Variants in ADGRL4 observed in about 807,000 individuals in gnomAD.
ADGRL4 encodes adhesion G protein-coupled receptor L4, also known as EGF, latrophilin and seven transmembrane domain containing 1.
Under a neutral mutation model 74.8 loss-of-function variants are expected in ADGRL4, and 90 were observed. The observed-to-expected ratio is 1.20, with a 90% CI of 1.02 to 1.43. The LOEUF (loss-of-function observed/expected upper bound fraction) is 1.43, where lower values mean the gene tolerates loss of function less well. Among genes scored for constraint, ADGRL4 ranks in the 40% most tolerant of loss-of-function variants. The probability of loss-of-function intolerance (pLI) is 0.00; values close to 1 mark genes in which losing one functional copy is unlikely to be tolerated. For missense variants in ADGRL4, 881 were observed against 814.3 expected, an observed-to-expected ratio of 1.08 and a Z score of -1.00; for synonymous variants, 311 against 279.2, an observed-to-expected ratio of 1.11 and a Z score of -1.14.
intron 2 of ADGRL4, among the ~76,000 whole-genome samples, chr1:79,001,025 T>A (rs556452144): frequency 6.6e-6 from 1 of 152,046 alleles, no homozygotes; most frequent in Admixed American, 6.6e-5. Context: ...TATATACTTG[T>A]AATTTTTGAA....
intron 14 of ADGRL4, 128 bp downstream of exon 14, chr1:78,891,396 T>C: frequency 8.1e-7 from 1 of 1,241,106 alleles, no homozygotes; most frequent in Non-Finnish European, 1.1e-6. Context: ...TATTTTCCTA[T>C]GAACAGCTAG....
At chr1:78,929,918 C>T (rs1318391587) in intron 7 of ADGRL4, among the ~76,000 whole-genome samples, 1 of 151,364 alleles carries the variant, frequency 6.6e-6, no homozygotes, top group Non-Finnish European at 1.5e-5. Flanking sequence ...AAACAGTACC[C>T]AAATTGTCTT....
At chr1:78,911,618 C>G (rs1570220879) in intron 12 of ADGRL4, among the ~76,000 whole-genome samples, 1 of 380 alleles carries the variant, frequency 2.6e-3, no homozygotes, top group Non-Finnish European at 7.8e-3. Context: ...GATCTAAACA[C>G]ACACACACAC....
Position 78,931,102 on chromosome 1 carries a change from C to T in ADGRL4, c.878-4011G>A, listed in dbSNP as rs562681713. 1.3e-4 allele frequency among the ~76,000 whole-genome samples: 20 copies of T among 151,264 alleles called. 2 individuals are homozygous for T. The highest frequency in any genetic ancestry group is 4.2e-4 in the South Asian group (2 of 4,814). On this transcript the variant is annotated intron_variant, in intron 7 of 14. Coordinates refer to ENST00000370742, the MANE Select transcript of ADGRL4 (RefSeq NM_022159.4). Reference sequence around the variant, plus strand: ...CAGAGAGCACCACTAAGATACTCCACGAGAAGATCAACCCCAAGACACATA... The same window carrying T: ...CAGAGAGCACCACTAAGATACTCCATGAGAAGATCAACCCCAAGACACATA...
chr1:79,006,547 T>G (rs549851129), intron 1 of ADGRL4, 86 bp downstream of exon 1: 40 of 1,462,156 alleles, frequency 2.7e-5, no homozygotes, highest in Non-Finnish European at 3.7e-5. Flanking sequence ...ACTTGCCATG[T>G]GAGCTCCACC....
At chr1:78,951,917 T>C (rs1302677045) in intron 2 of ADGRL4, among the ~76,000 whole-genome samples, 1 of 152,148 alleles carries the variant, frequency 6.6e-6, no homozygotes, top group Non-Finnish European at 1.5e-5. Context: ...TTGAGTCCCC[T>C]AGTAATGAAA....
At chr1:78,994,768 C>G (rs778875942) in intron 2 of ADGRL4, among the ~76,000 whole-genome samples, 1 of 152,156 alleles carries the variant, frequency 6.6e-6, no homozygotes, top group African/African-American at 2.4e-5. Context: ...AATTTGTCCT[C>G]TGAGCACACA....
intron 2 of ADGRL4, among the ~76,000 whole-genome samples, chr1:78,982,382 G>T: frequency 6.6e-6 from 1 of 151,834 alleles, no homozygotes; most frequent in South Asian, 2.1e-4. Context: ...GTAAGTACAA[G>T]AAACCCATTT....
intron 6 of ADGRL4, 107 bp downstream of exon 6, chr1:78,937,700 T>C: frequency 1.1e-6 from 1 of 935,838 alleles, no homozygotes; most frequent in Non-Finnish European, 1.6e-6. Flanking sequence ...CTACTTTCAA[T>C]GTAATCAATA....
chr1:78,934,264 C>G (rs1255852884), intron 7 of ADGRL4, among the ~76,000 whole-genome samples: 1 of 152,142 alleles, frequency 6.6e-6, no homozygotes, highest in South Asian at 2.1e-4. Flanking sequence ...CTACAACCAT[C>G]TGATCTTCAA....
intron 2 of ADGRL4, among the ~76,000 whole-genome samples, chr1:78,958,833 C>T (rs542634848): frequency 4.6e-5 from 7 of 152,140 alleles, no homozygotes; most frequent in Non-Finnish European, 8.8e-5. Flanking sequence ...ACAGGGAAAT[C>T]TTTTGTGACA....
chr1:78,993,219 T>C (rs994099180), intron 2 of ADGRL4, among the ~76,000 whole-genome samples: 1 of 152,180 alleles, frequency 6.6e-6, no homozygotes, highest in African/African-American at 2.4e-5. Context: ...AGAGAAGGAA[T>C]ACTTTATTTC....
At chr1:78,977,601 G>A (rs973339523) in intron 2 of ADGRL4, among the ~76,000 whole-genome samples, 1 of 151,878 alleles carries the variant, frequency 6.6e-6, no homozygotes, top group African/African-American at 2.4e-5. Context: ...ACCATGCGAA[G>A]CTGTTGCAAG....
intron 1 of ADGRL4, among the ~76,000 whole-genome samples, chr1:79,006,331 C>T (rs79577383): frequency 0.014 from 2,149 of 152,268 alleles, 49 homozygotes; most frequent in African/African-American, 0.05. Flanking sequence ...GGAAACCTCT[C>T]ATGGGTGTTA....
intron 2 of ADGRL4, among the ~76,000 whole-genome samples, chr1:78,971,134 C>G (rs147607386): frequency 2.0e-5 from 3 of 152,254 alleles, no homozygotes; most frequent in African/African-American, 7.2e-5. Flanking sequence ...ATGGCCCCTT[C>G]TGCTGGGAAC....
chr1:78,946,527 G>A, intron 2 of ADGRL4, 101 bp from the exon 3 acceptor site: 1 of 953,902 alleles, frequency 1.0e-6, no homozygotes, highest in East Asian at 2.7e-5. Context: ...GATAGTTTAA[G>A]GTATGTGATG....
At chr1:78,932,376 T>G (rs2100682569) in intron 7 of ADGRL4, among the ~76,000 whole-genome samples, 1 of 151,272 alleles carries the variant, frequency 6.6e-6, no homozygotes, top group African/African-American at 2.5e-5. Flanking sequence ...TTGAAACCAA[T>G]GAGAACAAAG....
intron 2 of ADGRL4, among the ~76,000 whole-genome samples, chr1:78,972,093 A>G (rs1052661868): frequency 2.0e-5 from 3 of 152,190 alleles, no homozygotes; most frequent in African/African-American, 7.2e-5. Flanking sequence ...AAATATCCTA[A>G]AGTAGCACAT....
chr1:78,934,682 A>G (rs1281075288), intron 7 of ADGRL4, among the ~76,000 whole-genome samples: 2 of 152,200 alleles, frequency 1.3e-5, no homozygotes, highest in Non-Finnish European at 2.9e-5. Context: ...CCCAGCATCT[A>G]CTAGGAACTT....
Sources: gnomAD v4.1 joint callset for allele counts (sites outside exome capture counted in the v4.1 genomes callset) on GRCh38, gnomAD v4.1.1 for gene constraint, MANE v1.5 for transcripts, NCBI Gene and HGNC (gene_info 2026-07-23, HGNC 2026-07-21) for gene names.